NPAS2: variants seen among roughly 807,000 people sequenced by gnomAD.
NPAS2 encodes the protein neuronal PAS domain protein 2, also known as neuronal PAS domain-containing protein 2.
NPAS2 carries 23 observed loss-of-function variants against 107.5 expected under a neutral mutation model. The observed-to-expected ratio is 0.21, with a 90% CI of 0.15 to 0.30. NPAS2 has a LOEUF of 0.30. Ranked by LOEUF, NPAS2 falls within the 10% of genes least tolerant of loss-of-function variation. The pLI is 1.00. For missense variants in NPAS2, 756 were observed against 1,043.3 expected (o/e 0.72, Z 3.79); for synonymous variants, 403 against 417.5 (o/e 0.97, Z 0.42).
chr2:100,856,417 G>C (rs562623087), intron 1 of NPAS2, among the ~76,000 whole-genome samples: 7 of 152,200 alleles, frequency 4.6e-5, no homozygotes, highest in Non-Finnish European at 1.0e-4. Flanking sequence ...GATCCAGTTA[G>C]AGGGGACCTG....
At chr2:100,942,205 A>C (rs1396949903) in intron 5 of NPAS2, among the ~76,000 whole-genome samples, 1 of 152,176 alleles carries the variant, frequency 6.6e-6, no homozygotes, top group African/African-American at 2.4e-5. Context: ...CGAGAAGAAA[A>C]TACAAGACCA....
chr2:100,874,726 G>A (rs1430234482), intron 1 of NPAS2, among the ~76,000 whole-genome samples: 1 of 152,038 alleles, frequency 6.6e-6, no homozygotes, highest in Non-Finnish European at 1.5e-5. Flanking sequence ...TGGGGGACAG[G>A]AGTGAAACTC....
intron 1 of NPAS2, among the ~76,000 whole-genome samples, chr2:100,882,483 A>AGG (rs1680424863): frequency 6.6e-6 from 1 of 152,094 alleles, no homozygotes; most frequent in Non-Finnish European, 1.5e-5. Flanking sequence ...TAGGTGGTGC[A>AGG]TGCCTGTAGT....
At chr2:100,828,642 C>A (rs1303978164) in intron 1 of NPAS2, among the ~76,000 whole-genome samples, 1 of 149,746 alleles carries the variant, frequency 6.7e-6, no homozygotes, top group Non-Finnish European at 1.5e-5. Context: ...GCCCCATTTA[C>A]TGAAGAGAGA....
intron 4 of NPAS2, chr2:100,934,985 C>T: frequency 1.0e-6 from 1 of 985,394 alleles, no homozygotes; most frequent in African/African-American, 1.7e-5. Context: ...TAATGCCCTC[C>T]AGATGTGACT....
intron 1 of NPAS2, 40 bp from the exon 2 acceptor site, chr2:100,904,693 A>T: frequency 1.5e-6 from 2 of 1,346,674 alleles, no homozygotes; most frequent in Non-Finnish European, 2.1e-6. Context: ...AGCAGACAGT[A>T]ATTATCCATT....
chr2:100,904,964 T>G (rs1682049147), intron 2 of NPAS2, among the ~76,000 whole-genome samples, 178 bp downstream of exon 2: 1 of 152,216 alleles, frequency 6.6e-6, no homozygotes, highest in African/African-American at 2.4e-5. Context: ...GAGAGCTCAC[T>G]CAGCCCTGCC....
chr2:100,866,401 T>A (rs1679258678), intron 1 of NPAS2, among the ~76,000 whole-genome samples: 1 of 152,238 alleles, frequency 6.6e-6, no homozygotes, highest in African/African-American at 2.4e-5. Flanking sequence ...CCCAGCAGGC[T>A]TTGCTGCCAT....
At chr2:100,954,685 A>AAAAG (rs1675457915) in intron 7 of NPAS2, among the ~76,000 whole-genome samples, 3 of 144,322 alleles carry the variant, frequency 2.1e-5, no homozygotes, top group African/African-American at 7.5e-5. Flanking sequence ...AAAAAAGAAA[A>AAAAG]AAAAGAAAAG....
At chr2:100,922,479 A>G (rs1683291270) in intron 2 of NPAS2, among the ~76,000 whole-genome samples, 1 of 152,116 alleles carries the variant, frequency 6.6e-6, no homozygotes, top group Non-Finnish European at 1.5e-5. Context: ...GCTTCTTGGG[A>G]CGCTGAGGCA....
At chr2:100,874,864 A>G (rs537376582) in intron 1 of NPAS2, among the ~76,000 whole-genome samples, 49 of 152,278 alleles carry the variant, frequency 3.2e-4, no homozygotes, top group African/African-American at 1.2e-3. Context: ...GCTGTCTCCT[A>G]TCCTAGAATT....
chr2:100,834,511 C>T (rs535426003), intron 1 of NPAS2, among the ~76,000 whole-genome samples: 18 of 152,106 alleles, frequency 1.2e-4, no homozygotes, highest in Non-Finnish European at 2.1e-4. Flanking sequence ...ATAGACTGAA[C>T]GCACAGAGCT....
chr2:100,995,964 T>C lies in NPAS2; in HGVS notation c.*382T>C. 7.6e-7 allele frequency: 1 copy of C among 1,323,150 alleles called. No homozygotes were observed. The highest frequency in any genetic ancestry group is 9.9e-7 in the Non-Finnish European group (1 of 1,013,632). 82.0% of individuals were successfully genotyped at this position (1,323,150 alleles called of 1,614,324 possible). ...CATCTGCGCTAGCTGGCCTTCACGCTCTTGATCGTCTTTCCTTTGTATTGG... is the reference window on the plus strand; with the variant it reads ...CATCTGCGCTAGCTGGCCTTCACGCCCTTGATCGTCTTTCCTTTGTATTGG... On this transcript the variant is annotated 3_prime_UTR_variant, in exon 21 of 21. Coordinates refer to ENST00000335681, the MANE Select transcript of NPAS2 (RefSeq NM_002518.4).
rs1451952811 is a variant in NPAS2, at chr2:100,931,012, T to C, written c.182-1898T>C. 3.9e-5 allele frequency among the ~76,000 whole-genome samples: 6 copies of C among 152,348 alleles called. No individual in the cohort carries two copies. The East Asian group carries it at 7.7e-4, about 20-fold the overall frequency. On this transcript the variant is annotated intron_variant, in intron 3 of 20. Coordinates refer to ENST00000335681, the MANE Select transcript of NPAS2 (RefSeq NM_002518.4). ...CCCTCTCTTTTCTAAGTGGTCGAACTGTGGCAACCATCTGTTTGAAGAACT... is the reference window on the plus strand; with the variant it reads ...CCCTCTCTTTTCTAAGTGGTCGAACCGTGGCAACCATCTGTTTGAAGAACT...
At chr2:100,886,772 ATG>A (rs1463051064) in intron 1 of NPAS2, among the ~76,000 whole-genome samples, 1 of 152,202 alleles carries the variant, frequency 6.6e-6, no homozygotes, top group Non-Finnish European at 1.5e-5. Flanking sequence ...AGATGAATTC[ATG>A]AACAAAGGCC....
chr2:100,933,998 CAG>C (rs1309925982), intron 4 of NPAS2: 2 of 152,236 alleles, frequency 1.3e-5, no homozygotes, highest in African/African-American at 4.8e-5. Context: ...TTGCAGAAAA[CAG>C]AAAGTACTGG....
At chr2:100,919,582 T>C (rs1353878601) in intron 2 of NPAS2, among the ~76,000 whole-genome samples, 1 of 152,172 alleles carries the variant, frequency 6.6e-6, no homozygotes, top group African/African-American at 2.4e-5. Context: ...CCCTTTAAGT[T>C]GGGTCCCTCA....
At chr2:100,912,959 G>A (rs1178330802) in intron 2 of NPAS2, among the ~76,000 whole-genome samples, 1 of 152,154 alleles carries the variant, frequency 6.6e-6, no homozygotes, top group African/African-American at 2.4e-5. Flanking sequence ...GGAACGTGTG[G>A]TTGGGAGTGC....
At position 100,855,314 on chromosome 2, in the gene NPAS2, T is replaced by A. The variant is rs115500751; in HGVS notation, c.-23+34900T>A. 4.5e-3 allele frequency among the ~76,000 whole-genome samples: 687 copies of A among 152,332 alleles called. 8 individuals carry two copies. Among genetic ancestry groups the A allele is most frequent in the African/African-American group, 0.016 (652 of 41,578 alleles). ...TCAGTGAGTCATTGTTTGCCCTTCG[T>A]GATTCCTAGACAATTCTCCTAACTT... is the stretch of plus-strand genomic sequence containing the variant. On this transcript the variant is annotated intron_variant, in intron 1 of 20. Transcript: ENST00000335681.
Sources: allele counts gnomAD v4.1 joint callset (sites outside exome capture counted in the v4.1 genomes callset), GRCh38; gene constraint gnomAD v4.1.1; transcripts MANE v1.5; gene names NCBI Gene and HGNC (gene_info 2026-07-23, HGNC 2026-07-21).